Variants in SLIT3 observed in about 807,000 individuals in gnomAD.
The protein encoded by SLIT3 is slit homolog 3 protein.
SLIT3 carries 68 observed loss-of-function variants against 184.0 expected under a neutral mutation model. That is an observed-to-expected ratio of 0.37 (90% CI 0.30 to 0.45). The LOEUF (loss-of-function observed/expected upper bound fraction) is 0.45. Ranked by LOEUF, SLIT3 falls within the 20% of genes least tolerant of loss-of-function variation. The probability of loss-of-function intolerance (pLI) is 1.00; values close to 1 mark genes in which losing one functional copy is unlikely to be tolerated. For synonymous variants in SLIT3, 831 were observed against 828.6 expected (o/e 1.00, Z -0.05); for missense variants, 1,707 against 2,026.0 (o/e 0.84, Z 3.02).
chr5:169,186,973 A>G (rs917871846), intron 4 of SLIT3, among the ~76,000 whole-genome samples: 1 of 151,138 alleles, frequency 6.6e-6, no homozygotes, highest in Non-Finnish European at 1.5e-5. Flanking sequence ...TTGCAACTCC[A>G]CTGCCCAAGT....
chr5:169,077,193 T>C (rs1315051823), intron 4 of SLIT3, among the ~76,000 whole-genome samples: 1 of 152,200 alleles, frequency 6.6e-6, no homozygotes. Flanking sequence ...GTATATTTTC[T>C]CTTCCTTGTG....
chr5:168,771,581 G>A (rs572702292), intron 14 of SLIT3, among the ~76,000 whole-genome samples: 51 of 152,266 alleles, frequency 3.3e-4, no homozygotes, highest in African/African-American at 1.2e-3. Flanking sequence ...CACGCTCATC[G>A]CAGGTGAAAG....
intron 1 of SLIT3, among the ~76,000 whole-genome samples, chr5:169,296,264 G>A (rs1288867433): frequency 6.6e-6 from 1 of 152,172 alleles, no homozygotes; most frequent in Admixed American, 6.5e-5. Flanking sequence ...CCTACTGTGT[G>A]CCAGGCACTG....
intron 32 of SLIT3, among the ~76,000 whole-genome samples, chr5:168,674,225 C>T (rs138705095): frequency 3.8e-4 from 58 of 152,198 alleles, no homozygotes; most frequent in Admixed American, 2.2e-3. Context: ...AATGAGGAAA[C>T]GGTAGCTCAG....
At chr5:168,845,764 G>A (rs1758440516) in intron 5 of SLIT3, among the ~76,000 whole-genome samples, 1 of 152,132 alleles carries the variant, frequency 6.6e-6, no homozygotes, top group Non-Finnish European at 1.5e-5. Context: ...CAAAAAAGGT[G>A]TTATACAGGA....
At chr5:168,754,561 C>T (rs1471210466) in intron 16 of SLIT3, among the ~76,000 whole-genome samples, 2 of 152,138 alleles carry the variant, frequency 1.3e-5, no homozygotes, top group African/African-American at 4.8e-5. Flanking sequence ...GATAGGGTGA[C>T]AGTCACAGTA....
At chr5:169,112,367 G>T (rs1280756213) in intron 4 of SLIT3, among the ~76,000 whole-genome samples, 1 of 152,194 alleles carries the variant, frequency 6.6e-6, no homozygotes, top group Non-Finnish European at 1.5e-5. Context: ...CCTCTTGGCT[G>T]CTTGATCTTG....
intron 20 of SLIT3, among the ~76,000 whole-genome samples, chr5:168,732,633 A>G (rs940622492): frequency 6.6e-6 from 1 of 152,132 alleles, no homozygotes; most frequent in Non-Finnish European, 1.5e-5. Flanking sequence ...ACATAAATCA[A>G]TGGTACAGAA....
rs138915506 is a variant in SLIT3, at chr5:168,724,760, C to T, written c.2271-276G>A. Reference sequence around the variant, plus strand: ...CGTTGGATCCCCCCGTGGCTGTTTACAGAGCTGATACATAGTAGGTATTCA... The same window carrying T: ...CGTTGGATCCCCCCGTGGCTGTTTATAGAGCTGATACATAGTAGGTATTCA... On this transcript the variant is annotated intron_variant, in intron 20 of 35. Coordinates refer to ENST00000519560, the MANE Select transcript of SLIT3 (RefSeq NM_003062.4). 4.5e-3 allele frequency among the ~76,000 whole-genome samples: 680 copies of T among 152,288 alleles called. 4 individuals are homozygous for T. Among genetic ancestry groups the T allele is most frequent in the African/African-American group, 0.015 (640 of 41,544 alleles).
intron 20 of SLIT3, among the ~76,000 whole-genome samples, chr5:168,745,847 C>T (rs1240966171): frequency 1.3e-5 from 2 of 152,180 alleles, no homozygotes; most frequent in Admixed American, 6.5e-5. Flanking sequence ...AAGAAATTGC[C>T]ATAGCCACCC....
chr5:169,280,437 C>T (rs1440762023), intron 1 of SLIT3, among the ~76,000 whole-genome samples: 1 of 152,196 alleles, frequency 6.6e-6, no homozygotes, highest in Non-Finnish European at 1.5e-5. Context: ...ACATCCTCCC[C>T]ACAGGCAAGC....
At chr5:169,045,974 A>G (rs1757609725) in intron 4 of SLIT3, among the ~76,000 whole-genome samples, 1 of 152,212 alleles carries the variant, frequency 6.6e-6, no homozygotes, top group African/African-American at 2.4e-5. Flanking sequence ...TTCTTAGTAT[A>G]ATATATCACT....
At chr5:169,192,466 T>C (rs180919180) in intron 4 of SLIT3, among the ~76,000 whole-genome samples, 17 of 151,718 alleles carry the variant, frequency 1.1e-4, no homozygotes, top group Admixed American at 2.0e-4. Flanking sequence ...TATAGACATA[T>C]AGAAATATAT....
chr5:169,242,198 A>T (rs1765426454), intron 3 of SLIT3, among the ~76,000 whole-genome samples: 1 of 152,228 alleles, frequency 6.6e-6, no homozygotes, highest in South Asian at 2.1e-4. Context: ...GATTAATGTC[A>T]CACACATCCC....
At position 169,300,795 on chromosome 5, in the gene SLIT3, G is replaced by T; in HGVS notation, c.-86C>A. On this transcript the variant is annotated 5_prime_UTR_variant, in exon 1 of 36. Transcript: ENST00000519560. The surrounding 1 kb of genome is among the most constrained non-coding windows in gnomAD (Gnocchi z 4.1). ...GAGGAGGCGCGCGGGGAGCGCGGGC[G>T]GCCTGGGGAGCGGGCGGCGGAGTTA... 4.1e-6 allele frequency: 5 copies of T among 1,220,902 alleles called. No homozygotes were observed. The highest frequency in any genetic ancestry group is 5.1e-6 in the Non-Finnish European group (5 of 978,840). The allele number at this position is 1,220,902 out of a possible 1,614,324, so 75.6% of individuals were successfully genotyped here. A position where few individuals can be genotyped will look rare whatever the true frequency, so the allele number is the denominator to read the frequency against.
intron 4 of SLIT3, among the ~76,000 whole-genome samples, chr5:169,058,134 G>A (rs1758067638): frequency 1.3e-5 from 2 of 152,366 alleles, no homozygotes; most frequent in East Asian, 1.9e-4. Flanking sequence ...TGCACGGAAG[G>A]TCTTCTCACG....
At chr5:168,736,698 TGC>T (rs1472530152) in intron 20 of SLIT3, among the ~76,000 whole-genome samples, 5 of 151,492 alleles carry the variant, frequency 3.3e-5, no homozygotes, top group African/African-American at 1.2e-4. Context: ...CCTGCTGCAA[TGC>T]AGAGTGCCTG....
intron 1 of SLIT3, among the ~76,000 whole-genome samples, chr5:169,285,309 G>T (rs1767118279): frequency 6.6e-6 from 1 of 152,088 alleles, no homozygotes; most frequent in Non-Finnish European, 1.5e-5. Context: ...TTTGATTTTT[G>T]AAAATATGTT....
intron 4 of SLIT3, among the ~76,000 whole-genome samples, chr5:168,891,340 C>T (rs761529656): frequency 2.0e-5 from 3 of 152,040 alleles, no homozygotes; most frequent in Non-Finnish European, 4.4e-5. Context: ...CTCAGGAGCC[C>T]GGGGAGGCTG....
Sources: allele counts gnomAD v4.1 joint callset (sites outside exome capture counted in the v4.1 genomes callset), GRCh38; gene constraint gnomAD v4.1.1; non-coding constraint Gnocchi (gnomAD v3.1); transcripts MANE v1.5; gene names NCBI Gene and HGNC (gene_info 2026-07-23, HGNC 2026-07-21).